The following ARHGEF10L variants were observed in gnomAD, a reference collection of about 807,000 sequenced individuals.
ARHGEF10L encodes Rho guanine nucleotide exchange factor 10 like, also known as rho guanine nucleotide exchange factor 10-like protein.
A neutral mutation model predicts 141.2 loss-of-function variants in ARHGEF10L; 69 were observed. That is an observed-to-expected ratio of 0.49 (90% CI 0.40 to 0.60). The LOEUF (loss-of-function observed/expected upper bound fraction) is 0.60. Ranked by LOEUF, ARHGEF10L falls within the 20% of genes least tolerant of loss-of-function variation. ARHGEF10L has a pLI of 0.00. For missense variants in ARHGEF10L, 1,482 were observed against 1,734.3 expected (o/e 0.85, Z 2.58); for synonymous variants, 711 against 718.5 (o/e 0.99, Z 0.17).
intron 22 of ARHGEF10L, among the ~76,000 whole-genome samples, chr1:17,652,588 G>A (rs1177789788): frequency 3.3e-5 from 5 of 152,170 alleles, no homozygotes; most frequent in Admixed American, 2.0e-4. Flanking sequence ...TGAGGACACC[G>A]GAGTCTATTC....
At chr1:17,580,064 C>T (rs1237638845) in intron 1 of ARHGEF10L, among the ~76,000 whole-genome samples, 2 of 152,242 alleles carry the variant, frequency 1.3e-5, no homozygotes, top group Non-Finnish European at 2.9e-5. Flanking sequence ...CAGGAAGAGG[C>T]AGAGTCAGAG....
chr1:17,695,219 T>A lies in ARHGEF10L; in HGVS notation c.3246T>A (p.Thr1082=), dbSNP rs2065406547. 6.2e-7 allele frequency: 1 copy of A among 1,611,592 alleles called. No homozygotes were observed. The highest frequency in any genetic ancestry group is 2.2e-5 in the East Asian group (1 of 44,858). ...GCCAGGGTCTGCTCTGGGTGGGCAC[T>A]GACCAGGGTGTCATCGTCCTGCTGC... The part of the protein sequence containing the change: ...LICQGLLWVG[T]DQGVIVLLPV... The change falls in exon 28 of 29, where the codon ACT becomes ACA. Residue 1082 remains threonine (T), a synonymous_variant. Coordinates refer to ENST00000361221, the MANE Select transcript of ARHGEF10L (RefSeq NM_018125.4).
chr1:17,581,177 GGT>G (rs1217274581), intron 2 of ARHGEF10L, among the ~76,000 whole-genome samples: 1 of 151,752 alleles, frequency 6.6e-6, no homozygotes, highest in Non-Finnish European at 1.5e-5. Flanking sequence ...AGCTGGGTAT[GGT>G]GTGGCACTTG....
intron 1 of ARHGEF10L, among the ~76,000 whole-genome samples, chr1:17,541,072 C>T (rs1032476298): frequency 5.9e-5 from 9 of 152,188 alleles, no homozygotes; most frequent in African/African-American, 1.9e-4. Context: ...AAGCTCAGAA[C>T]CCTCCTGTAA....
chr1:17,619,641 C>A lies in ARHGEF10L; in HGVS notation c.942+196C>A, dbSNP rs939784066. Among the ~76,000 whole-genome samples the A allele has an allele frequency of 6.6e-6, 1 of 152,170 alleles. No individual in the cohort carries two copies. The highest frequency in any genetic ancestry group is 2.4e-5 in the African/African-American group (1 of 41,428). ...TGAACAGGCTTTCCACTTTCTACCC[C>A]GTGTGCTCTGTGCTGTTGGTTTTGG... is the stretch of plus-strand genomic sequence containing the variant. On this transcript the variant is annotated intron_variant, in intron 10 of 28. Transcript: ENST00000361221. The surrounding 1 kb of genome is among the most constrained non-coding windows in gnomAD (Gnocchi z 5.0).
chr1:17,635,348 C>A (rs1407723068), intron 18 of ARHGEF10L, among the ~76,000 whole-genome samples: 2 of 152,232 alleles, frequency 1.3e-5, no homozygotes. Flanking sequence ...CCATCCTCTG[C>A]CCATCCCCAG....
chr1:17,547,012 G>A (rs994845819), intron 1 of ARHGEF10L, among the ~76,000 whole-genome samples: 7 of 151,612 alleles, frequency 4.6e-5, no homozygotes, highest in African/African-American at 1.5e-4. Context: ...TGCTCGCCCC[G>A]GAGTCCTGCC....
chr1:17,645,100 C>T (rs1301353713), intron 21 of ARHGEF10L, among the ~76,000 whole-genome samples: 1 of 152,078 alleles, frequency 6.6e-6, no homozygotes, highest in East Asian at 1.9e-4. Context: ...GCTCTCATGC[C>T]CAGGGGGTGT....
intron 1 of ARHGEF10L, among the ~76,000 whole-genome samples, chr1:17,562,392 G>A (rs999102297): frequency 3.3e-5 from 5 of 152,144 alleles, no homozygotes; most frequent in Non-Finnish European, 5.9e-5. Flanking sequence ...ACTCCAGCCT[G>A]TGCAACAGAG....
intron 1 of ARHGEF10L, among the ~76,000 whole-genome samples, chr1:17,541,823 T>C (rs2076738680): frequency 6.6e-6 from 1 of 152,040 alleles, no homozygotes; most frequent in Admixed American, 6.6e-5. Context: ...TAAAATTAGC[T>C]GGGCATAGTG....
the ARHGEF10L span, among the ~76,000 whole-genome samples, chr1:17,519,711 T>A: frequency 6.6e-6 from 1 of 152,112 alleles, no homozygotes; most frequent in Non-Finnish European, 1.5e-5. Context: ...GGTGGGTGCC[T>A]GTAATCCCAG....
intron 4 of ARHGEF10L, among the ~76,000 whole-genome samples, chr1:17,592,807 C>A (rs780762855): frequency 1.3e-5 from 2 of 152,152 alleles, no homozygotes; most frequent in African/African-American, 4.8e-5. Flanking sequence ...GAGCCTCCTG[C>A]GTCCTGTCCC....
chr1:17,637,575 T>C (rs1380021383), intron 18 of ARHGEF10L, among the ~76,000 whole-genome samples: 1 of 152,094 alleles, frequency 6.6e-6, no homozygotes, highest in Non-Finnish European at 1.5e-5. Context: ...CTCGGCTCAC[T>C]GCAAGCTCCG....
chr1:17,613,234 C>A, intron 8 of ARHGEF10L, 60 bp downstream of exon 8: 1 of 1,416,400 alleles, frequency 7.1e-7, no homozygotes. Flanking sequence ...GCAGCTACCT[C>A]CAAGGGTTTT....
rs373922770 is a variant in ARHGEF10L, at chr1:17,540,558, C to T, written c.-44+608C>T. Reference sequence around the variant, plus strand: ...GGGAGGGCCCTAGATGAAGACCAGCCCCCCTGGAGTCGCTGGGATGGCCTC... The same window carrying T: ...GGGAGGGCCCTAGATGAAGACCAGCTCCCCTGGAGTCGCTGGGATGGCCTC... On this transcript the variant is annotated intron_variant, in intron 1 of 28. Coordinates refer to ENST00000361221, the MANE Select transcript of ARHGEF10L (RefSeq NM_018125.4). Among the ~76,000 whole-genome samples, 8 of 152,276 alleles carry T rather than the reference C, an allele frequency of 5.3e-5. No individual in the cohort carries two copies. In the South Asian group the frequency reaches 1.0e-3, roughly 20 times the overall value.
intron 7 of ARHGEF10L, among the ~76,000 whole-genome samples, chr1:17,610,682 G>C (rs568845879): frequency 6.6e-6 from 1 of 152,356 alleles, no homozygotes; most frequent in South Asian, 2.1e-4. Flanking sequence ...TGTGCTGTGT[G>C]TGCTGTGGGC....
At chr1:17,550,547 CAGG>C (rs1468150888) in intron 1 of ARHGEF10L, among the ~76,000 whole-genome samples, 2 of 151,616 alleles carry the variant, frequency 1.3e-5, no homozygotes, top group African/African-American at 4.9e-5. Flanking sequence ...GGGGCTGAGG[CAGG>C]AGAATTGCTC....
In ARHGEF10L at chr1:17,640,317, A is replaced by G; in HGVS notation, c.2272+15A>G. 6.2e-7 allele frequency: 1 copy of G among 1,600,250 alleles called. No homozygotes were observed. Among genetic ancestry groups the G allele is most frequent in the Non-Finnish European group, 8.5e-7 (1 of 1,170,528 alleles). On this transcript the variant is annotated intron_variant, in intron 21 of 28. Coordinates refer to ENST00000361221, the MANE Select transcript of ARHGEF10L (RefSeq NM_018125.4). ...AATCGGACTCCGTGAGTATAGCCCC[A>G]GGGAGAGTGCCTCAGGGGGCAGGGG...
intron 1 of ARHGEF10L, among the ~76,000 whole-genome samples, chr1:17,546,711 A>G (rs2076928316): frequency 6.6e-6 from 1 of 151,954 alleles, no homozygotes; most frequent in Non-Finnish European, 1.5e-5. Flanking sequence ...TTTTTAATTC[A>G]GTGTTGGCAA....
Sources: allele counts gnomAD v4.1 joint callset (sites outside exome capture counted in the v4.1 genomes callset), GRCh38; gene constraint gnomAD v4.1.1; non-coding constraint Gnocchi (gnomAD v3.1); transcripts MANE v1.5; gene names NCBI Gene and HGNC (gene_info 2026-07-23, HGNC 2026-07-21).